Variants in NRXN3 observed in about 807,000 individuals in gnomAD.
The protein encoded by NRXN3 is neurexin III.
A neutral mutation model predicts 137.6 loss-of-function variants in NRXN3; 32 were observed. The observed-to-expected ratio is 0.23, with a 90% CI of 0.18 to 0.31. The LOEUF (loss-of-function observed/expected upper bound fraction) is 0.31. Ranked by LOEUF, NRXN3 falls within the 10% of genes least tolerant of loss-of-function variation. The pLI is 1.00. For synonymous variants in NRXN3, 798 were observed against 784.5 expected (o/e 1.02, Z -0.29); for missense variants, 1,574 against 2,062.5 (o/e 0.76, Z 4.59).
At position 78,836,947 on chromosome 14, in the gene NRXN3, C is replaced by A. The variant is rs114007688; in HGVS notation, c.2275+26603C>A. Among the ~76,000 whole-genome samples, 224 of 152,198 alleles carry A rather than the reference C, an allele frequency of 1.5e-3. 5 individuals are homozygous for A. Among genetic ancestry groups the A allele is most frequent in the African/African-American group, 4.9e-3 (205 of 41,518 alleles). On this transcript the variant is annotated intron_variant, in intron 10 of 20. Transcript: ENST00000335750. Reference sequence around the variant, plus strand: ...CTATTCTATTGAGCCTTAGAGTGGCCACAAGGAGTATCAGTTGCTCCCTCC... The same window carrying A: ...CTATTCTATTGAGCCTTAGAGTGGCAACAAGGAGTATCAGTTGCTCCCTCC...
At chr14:79,222,193 C>T (rs973542715) in intron 15 of NRXN3, among the ~76,000 whole-genome samples, 2 of 152,072 alleles carry the variant, frequency 1.3e-5, no homozygotes, top group Non-Finnish European at 2.9e-5. Context: ...AGTGTGATGC[C>T]CCCAGCTTTG....
At position 79,862,043 on chromosome 14, in the gene NRXN3, A is replaced by G. The variant is rs2099414656; in HGVS notation, c.*79A>G. On this transcript the variant is annotated 3_prime_UTR_variant, in exon 21 of 21. Transcript: ENST00000335750. ...ATGAATCTTTGGACGGTGAGATCTC[A>G]CAGATGTCAGAACTGCTGGAACTAT... is the stretch of plus-strand genomic sequence containing the variant. 8.3e-7 allele frequency: 1 copy of G among 1,208,410 alleles called. No individual in the cohort carries two copies. Among genetic ancestry groups the G allele is most frequent in the Admixed American group, 2.3e-5 (1 of 43,350 alleles). 74.9% of individuals were successfully genotyped at this position (1,208,410 alleles called of 1,614,324 possible).
chr14:79,241,790 G>A (rs1266907031), intron 15 of NRXN3, among the ~76,000 whole-genome samples: 1 of 152,132 alleles, frequency 6.6e-6, no homozygotes, highest in Non-Finnish European at 1.5e-5. Flanking sequence ...ATGCTGGCCA[G>A]GTATGGTGGC....
chr14:78,436,165 T>C (rs1262019318), intron 4 of NRXN3, among the ~76,000 whole-genome samples: 1 of 152,024 alleles, frequency 6.6e-6, no homozygotes, highest in African/African-American at 2.4e-5. Flanking sequence ...GGGCAGCAGG[T>C]AGAAGGTGGG....
In NRXN3 at chr14:78,466,640, G is replaced by A. The variant is rs181795187; in HGVS notation, c.757+168780G>A. On this transcript the variant is annotated intron_variant, in intron 4 of 20. Coordinates refer to ENST00000335750, the MANE Select transcript of NRXN3 (RefSeq NM_001330195.2). ...GCTATGGAGAAATTTTTAAAGAGAGGGGTGGACTTGACCTGTATTTTCAGA... is the reference window on the plus strand; with the variant it reads ...GCTATGGAGAAATTTTTAAAGAGAGAGGTGGACTTGACCTGTATTTTCAGA... Among the ~76,000 whole-genome samples, 4 of 152,278 alleles carry A rather than the reference G, an allele frequency of 2.6e-5. No individual in the cohort carries two copies. The East Asian group carries it at 5.8e-4, about 22-fold the overall frequency.
chr14:78,272,148 C>A (rs2072872007), intron 2 of NRXN3, among the ~76,000 whole-genome samples: 1 of 152,038 alleles, frequency 6.6e-6, no homozygotes, highest in Non-Finnish European at 1.5e-5. Flanking sequence ...GCCTGCCCTG[C>A]TATTTGAGGG....
intron 4 of NRXN3, among the ~76,000 whole-genome samples, chr14:78,512,361 A>G (rs1723025809): frequency 6.6e-6 from 1 of 152,196 alleles, no homozygotes; most frequent in Admixed American, 6.5e-5. Context: ...GCTGATACAG[A>G]AAGGATCACA....
At chr14:78,883,327 A>G (rs2099134663) in intron 10 of NRXN3, among the ~76,000 whole-genome samples, 1 of 152,188 alleles carries the variant, frequency 6.6e-6, no homozygotes. Flanking sequence ...AAGAAGAGTG[A>G]CTGGAAGAGA....
At chr14:78,992,151 A>T (rs1379638432) in intron 15 of NRXN3, among the ~76,000 whole-genome samples, 1 of 152,224 alleles carries the variant, frequency 6.6e-6, no homozygotes, top group Non-Finnish European at 1.5e-5. Context: ...ATGTAATGGT[A>T]AAGTCATGGG....
chr14:78,836,660 C>T (rs1451472281), intron 10 of NRXN3, among the ~76,000 whole-genome samples: 1 of 152,180 alleles, frequency 6.6e-6, no homozygotes, highest in African/African-American at 2.4e-5. Context: ...CCTGTGTCCT[C>T]CATGATAGTT....
At chr14:78,645,536 A>T (rs1328099392) in intron 5 of NRXN3, 115 bp downstream of exon 5, 2 of 807,752 alleles carry the variant, frequency 2.5e-6, no homozygotes, top group African/African-American at 1.7e-5. Context: ...AGGGATGGAG[A>T]TGTTAACGTC....
At chr14:79,637,077 C>G (rs1186592681) in intron 16 of NRXN3, among the ~76,000 whole-genome samples, 1 of 152,140 alleles carries the variant, frequency 6.6e-6, no homozygotes, top group Non-Finnish European at 1.5e-5. Context: ...AGAGTGGAGC[C>G]AGAAAGCCTG....
intron 5 of NRXN3, among the ~76,000 whole-genome samples, chr14:78,650,316 G>A (rs985542587): frequency 2.0e-5 from 3 of 151,948 alleles, no homozygotes; most frequent in Admixed American, 6.6e-5. Context: ...TGGGTGTATC[G>A]GTGTATGGTG....
At chr14:79,665,880 C>T (rs1015196468) in intron 17 of NRXN3, among the ~76,000 whole-genome samples, 3 of 152,098 alleles carry the variant, frequency 2.0e-5, no homozygotes, top group Non-Finnish European at 2.9e-5. Flanking sequence ...GCATTGCTCC[C>T]TCCTGAAAAC....
At chr14:78,251,092 A>C (rs1432715343) in intron 2 of NRXN3, among the ~76,000 whole-genome samples, 1 of 152,190 alleles carries the variant, frequency 6.6e-6, no homozygotes, top group African/African-American at 2.4e-5. Context: ...AGGTAGTTGG[A>C]GCACAGGTGC....
intron 20 of NRXN3, among the ~76,000 whole-genome samples, chr14:79,831,746 T>C (rs2099324493): frequency 6.6e-6 from 1 of 152,164 alleles, no homozygotes; most frequent in Non-Finnish European, 1.5e-5. Context: ...ATACAGTGTT[T>C]TGGAAAGATG....
At chr14:78,248,292 ACCGCCCCCCGCCCCCCCC>A (rs2067995771) in intron 2 of NRXN3, among the ~76,000 whole-genome samples, 1 of 6,686 alleles carries the variant, frequency 1.5e-4, no homozygotes, top group African/African-American at 5.5e-4. Context: ...GTGACTAGCC[ACCGCCCCCCGCCCCCCCC>A]CCCCCCACCC....
intron 1 of NRXN3, among the ~76,000 whole-genome samples, chr14:78,228,498 A>G (rs1481726841): frequency 6.6e-6 from 1 of 152,224 alleles, no homozygotes; most frequent in Non-Finnish European, 1.5e-5. Flanking sequence ...ACAGAAAAAT[A>G]GTAATGATGA....
intron 15 of NRXN3, among the ~76,000 whole-genome samples, chr14:79,025,215 T>C (rs2099596065): frequency 6.6e-6 from 1 of 152,188 alleles, no homozygotes; most frequent in South Asian, 2.1e-4. Context: ...TCTAGACTGC[T>C]GTTCTTTTCT....
Sources: gnomAD v4.1 joint callset for allele counts (sites outside exome capture counted in the v4.1 genomes callset) on GRCh38, gnomAD v4.1.1 for gene constraint, MANE v1.5 for transcripts, NCBI Gene and HGNC (gene_info 2026-07-23, HGNC 2026-07-21) for gene names.